The following DUS2 variants were observed in gnomAD, a reference collection of about 807,000 sequenced individuals.
DUS2 encodes dihydrouridine synthase 2, also known as tRNA-dihydrouridine(20) synthase [NAD(P)+]-like.
In DUS2, 52 loss-of-function variants were observed where a neutral mutation model predicts 71.3. The observed-to-expected ratio is 0.73, with a 90% CI of 0.58 to 0.92. The LOEUF is 0.92. DUS2 is among the 40% of genes least tolerant of loss of function. The pLI, the probability that DUS2 is intolerant of heterozygous loss-of-function variation, is 0.00. For missense variants in DUS2, 558 were observed against 622.6 expected (o/e 0.90, Z 1.10); for synonymous variants, 204 against 227.8 (o/e 0.90, Z 0.94).
intron 2 of DUS2, among the ~76,000 whole-genome samples, chr16:68,026,470 A>G (rs1315160520): frequency 6.6e-6 from 1 of 152,134 alleles, no homozygotes; most frequent in Non-Finnish European, 1.5e-5. Context: ...TCATATTTTC[A>G]GTCATTATCA....
intron 3 of DUS2, among the ~76,000 whole-genome samples, chr16:68,049,186 T>G (rs1470055207): frequency 6.6e-6 from 1 of 152,200 alleles, no homozygotes; most frequent in East Asian, 1.9e-4. Context: ...GGGCTTCTGC[T>G]GAGACCAGTA....
At chr16:68,066,919 T>C (rs989257862) in intron 10 of DUS2, among the ~76,000 whole-genome samples, 3 of 152,010 alleles carry the variant, frequency 2.0e-5, no homozygotes, top group African/African-American at 7.3e-5. Context: ...ACTATCAGGA[T>C]GTGTAAATGC....
chr16:68,037,839 A>T, intron 2 of DUS2, 167 bp from the exon 3 acceptor site: 1 of 643,286 alleles, frequency 1.6e-6, no homozygotes, highest in Non-Finnish European at 2.5e-6. Flanking sequence ...CCTGGGTGAC[A>T]AAGCAAGACT....
At chr16:68,034,682 A>T (rs1260166184) in intron 2 of DUS2, among the ~76,000 whole-genome samples, 1 of 152,154 alleles carries the variant, frequency 6.6e-6, no homozygotes, top group Non-Finnish European at 1.5e-5. Context: ...GACTGTTTAG[A>T]GGAGACCATA....
chr16:68,073,574 C>T (rs950607038), intron 12 of DUS2, among the ~76,000 whole-genome samples: 3 of 151,932 alleles, frequency 2.0e-5, no homozygotes, highest in South Asian at 2.1e-4. Flanking sequence ...CTCAGCCTCC[C>T]GAGTAGCTGG....
chr16:68,032,751 C>A (rs999638276), intron 2 of DUS2, among the ~76,000 whole-genome samples: 1 of 150,450 alleles, frequency 6.6e-6, no homozygotes, highest in Non-Finnish European at 1.5e-5. Context: ...GGGTGGATCA[C>A]CTGAGGTCAG....
In DUS2 at chr16:68,026,751, C is replaced by G. The variant is rs544811969; in HGVS notation, c.-19+1257C>G. On this transcript the variant is annotated intron_variant, in intron 2 of 16. Coordinates refer to ENST00000565263, the MANE Select transcript of DUS2 (RefSeq NM_017803.5). Reference sequence around the variant, plus strand: ...ATTAGCTGAGCATGGTGGCAGGCACCTGTAATCCCAGCTACTCGGGAGGCT... The same window carrying G: ...ATTAGCTGAGCATGGTGGCAGGCACGTGTAATCCCAGCTACTCGGGAGGCT... Among the ~76,000 whole-genome samples, 5 of 152,060 alleles carry G rather than the reference C, an allele frequency of 3.3e-5. No individual in the cohort carries two copies. In the South Asian group the frequency reaches 1.0e-3, roughly 32 times the overall value.
intron 10 of DUS2, among the ~76,000 whole-genome samples, chr16:68,069,846 C>T (rs930965178): frequency 2.0e-5 from 3 of 152,130 alleles, no homozygotes; most frequent in Admixed American, 6.5e-5. Flanking sequence ...GCAACATGAC[C>T]TTGGGAGCCA....
Position 68,054,389 on chromosome 16 carries a change from C to T in DUS2, c.265-185C>T, listed in dbSNP as rs1292690802. Reference sequence around the variant, plus strand: ...TATAGATAACATTTTCTAGACCTTCCAAGTCCACCTTTTTCTGCTGGCAGT... The same window carrying T: ...TATAGATAACATTTTCTAGACCTTCTAAGTCCACCTTTTTCTGCTGGCAGT... On this transcript the variant is annotated intron_variant, in intron 5 of 16. Coordinates refer to ENST00000565263, the MANE Select transcript of DUS2 (RefSeq NM_017803.5). Among the ~76,000 whole-genome samples the T allele has an allele frequency of 5.3e-5, 8 of 152,106 alleles. No homozygotes were observed. In the South Asian group the frequency reaches 1.2e-3, roughly 24 times the overall value.
chr16:68,053,112 C>T (rs2033803217), intron 4 of DUS2, among the ~76,000 whole-genome samples: 1 of 151,732 alleles, frequency 6.6e-6, no homozygotes, highest in African/African-American at 2.4e-5. Flanking sequence ...ACAGGCATAC[C>T]CCACCACGCC....
At chr16:68,044,853 C>T (rs1437943276) in intron 3 of DUS2, among the ~76,000 whole-genome samples, 3 of 152,118 alleles carry the variant, frequency 2.0e-5, no homozygotes, top group South Asian at 2.1e-4. Context: ...AGTGCAGTGG[C>T]GCAATCTCAG....
chr16:68,069,078 AC>A (rs1241894682), intron 10 of DUS2, among the ~76,000 whole-genome samples: 1 of 151,776 alleles, frequency 6.6e-6, no homozygotes, highest in African/African-American at 2.4e-5. Context: ...AGGGCCCTCG[AC>A]CCTTTTGTTG....
chr16:68,043,729 ATCTCAGCTCACTGCAACC>A (rs2033663947), intron 3 of DUS2, among the ~76,000 whole-genome samples: 1 of 152,142 alleles, frequency 6.6e-6, no homozygotes, highest in South Asian at 2.1e-4. Context: ...CAGTGGCACC[ATCTCAGCTCACTGCAACC>A]TCCACCTCCC....
At chr16:68,042,951 G>T (rs2033652562) in intron 3 of DUS2, among the ~76,000 whole-genome samples, 1 of 151,966 alleles carries the variant, frequency 6.6e-6, no homozygotes, top group African/African-American at 2.4e-5. Flanking sequence ...CAGATGATCT[G>T]CCCGCCTCAG....
chr16:68,062,164 C>A (rs530930273), intron 8 of DUS2, among the ~76,000 whole-genome samples: 1 of 152,156 alleles, frequency 6.6e-6, no homozygotes, highest in East Asian at 1.9e-4. Context: ...GCGCCCACGA[C>A]GACGCCTGGC....
At chr16:68,036,449 C>T (rs1450771398) in intron 2 of DUS2, among the ~76,000 whole-genome samples, 1 of 151,978 alleles carries the variant, frequency 6.6e-6, no homozygotes, top group East Asian at 1.9e-4. Flanking sequence ...GCGTGAGCCA[C>T]CTCACTCGGC....
Position 68,078,848 on chromosome 16 carries a change from G to T in DUS2, c.1344G>T (p.Leu448Phe). ...GGCTGGGTGAGGAGAGCCCTTCCTT[G>T]CACAAGCGAAAGAGGGAGGCTCCTG... ...EGRLGEESPS[L>F]HKRKREAPDQ... is the part of the protein sequence containing the mutation. The change falls in exon 17 of 17, where the codon TTG becomes TTT. Residue 448 changes from leucine (L) to phenylalanine (F), a missense_variant. Leu to Phe is a conservative substitution (Grantham distance 22). Coordinates refer to ENST00000565263, the MANE Select transcript of DUS2 (RefSeq NM_017803.5). The T allele has an allele frequency of 6.2e-7, 1 of 1,613,808 alleles. No homozygotes were observed. The highest frequency in any genetic ancestry group is 8.5e-7 in the Non-Finnish European group (1 of 1,179,870).
intron 2 of DUS2, among the ~76,000 whole-genome samples, chr16:68,035,708 G>GTT (rs1567469932): frequency 9.3e-5 from 13 of 140,066 alleles, no homozygotes; most frequent in African/African-American, 2.8e-4. Context: ...CATTCTATGT[G>GTT]GTTTTTTTTT....
At chr16:68,040,953 G>A (rs188667330) in intron 3 of DUS2, among the ~76,000 whole-genome samples, 55 of 152,222 alleles carry the variant, frequency 3.6e-4, no homozygotes, top group South Asian at 1.9e-3. Context: ...CAAAGTCGCC[G>A]AGCGTGGTGG....
Sources: gnomAD v4.1 joint callset for allele counts (sites outside exome capture counted in the v4.1 genomes callset) on GRCh38, gnomAD v4.1.1 for gene constraint, MANE v1.5 for transcripts, NCBI Gene and HGNC (gene_info 2026-07-23, HGNC 2026-07-21) for gene names.